The following KHDRBS2 variants were observed in gnomAD, a reference collection of about 807,000 sequenced individuals.
KHDRBS2 encodes the protein KH RNA binding domain containing, signal transduction associated 2.
KHDRBS2 carries 26 observed loss-of-function variants against 44.3 expected under a neutral mutation model. That is an observed-to-expected ratio of 0.59 (90% CI 0.43 to 0.81). The LOEUF (loss-of-function observed/expected upper bound fraction) is 0.81, where lower values mean the gene tolerates loss of function less well. Among genes scored for constraint, KHDRBS2 ranks in the 40% least tolerant of loss-of-function variants. KHDRBS2 has a pLI of 0.00. For missense variants in KHDRBS2, 476 were observed against 433.1 expected (o/e 1.10, Z -0.88); for synonymous variants, 194 against 151.1 (o/e 1.28, Z -2.08).
chr6:61,772,859 CA>C (rs1344748388), intron 6 of KHDRBS2, among the ~76,000 whole-genome samples: 4 of 152,134 alleles, frequency 2.6e-5, no homozygotes, highest in Non-Finnish European at 5.9e-5. Context: ...TCTAATTGTT[CA>C]ATTCCCACCT....
At chr6:61,932,156 C>T (rs1583573833) in intron 4 of KHDRBS2, among the ~76,000 whole-genome samples, 1 of 152,144 alleles carries the variant, frequency 6.6e-6, no homozygotes, top group African/African-American at 2.4e-5. Flanking sequence ...CATTGATTTT[C>T]GACTGTGCAG....
chr6:61,738,895 C>T (rs1467051632), intron 6 of KHDRBS2, among the ~76,000 whole-genome samples: 1 of 151,674 alleles, frequency 6.6e-6, no homozygotes, highest in Non-Finnish European at 1.5e-5. Flanking sequence ...TTATATTAAC[C>T]ACTGAATTAC....
At chr6:61,955,478 A>G (rs1261826739) in intron 4 of KHDRBS2, among the ~76,000 whole-genome samples, 1,217 of 47,554 alleles carry the variant, frequency 0.026, 232 homozygotes, top group African/African-American at 0.051. Context: ...ATATATACAC[A>G]TATGTATGTA....
the KHDRBS2 span, among the ~76,000 whole-genome samples, chr6:61,620,059 T>C: frequency 6.6e-6 from 1 of 152,168 alleles, no homozygotes; most frequent in Non-Finnish European, 1.5e-5. Flanking sequence ...CACATAATAA[T>C]TTTTCCATTG....
chr6:61,894,951 C>G lies in KHDRBS2; in HGVS notation c.612-118G>C, dbSNP rs567938450. On this transcript the variant is annotated intron_variant, in intron 5 of 8. Coordinates refer to ENST00000281156, the MANE Select transcript of KHDRBS2 (RefSeq NM_152688.4). ...ATGAAATAAATACAAATTTCTCTCT[C>G]TCTCTCTGTGTGTGTGTGTGTGTAT... is the stretch of plus-strand genomic sequence containing the variant. The G allele has an allele frequency of 4.6e-6, 3 of 656,182 alleles. No homozygotes were observed. In the South Asian group the frequency reaches 5.4e-5, roughly 12 times the overall value. The allele number at this position is 656,182 out of a possible 1,614,324, so 40.6% of individuals were successfully genotyped here.
chr6:61,545,385 C>A, the KHDRBS2 span, among the ~76,000 whole-genome samples: 12 of 151,944 alleles, frequency 7.9e-5, no homozygotes. Context: ...AAGCCTTGTT[C>A]TTATTATGTG....
chr6:61,611,364 G>A, the KHDRBS2 span, among the ~76,000 whole-genome samples: 1 of 152,294 alleles, frequency 6.6e-6, no homozygotes, highest in South Asian at 2.1e-4. Flanking sequence ...TATAGAAAGA[G>A]ACACATATGG....
At chr6:61,888,749 GATGGGGT>G (rs1313832877) in intron 6 of KHDRBS2, among the ~76,000 whole-genome samples, 2 of 151,874 alleles carry the variant, frequency 1.3e-5, no homozygotes. Context: ...TTTTAGTAGA[GATGGGGT>G]TTCACCGTGT....
chr6:61,956,327 C>T (rs1056969702), intron 4 of KHDRBS2, among the ~76,000 whole-genome samples: 1 of 152,090 alleles, frequency 6.6e-6, no homozygotes, highest in South Asian at 2.1e-4. Flanking sequence ...TTCTGTGCAC[C>T]ATCAACTAGC....
intron 2 of KHDRBS2, among the ~76,000 whole-genome samples, chr6:62,109,919 A>G (rs1394194756): frequency 6.6e-6 from 1 of 151,910 alleles, no homozygotes; most frequent in Non-Finnish European, 1.5e-5. Flanking sequence ...TAAAACTATA[A>G]AACTTCTAAA....
chr6:61,691,808 C>T (rs1767415341), intron 8 of KHDRBS2, among the ~76,000 whole-genome samples: 1 of 152,100 alleles, frequency 6.6e-6, no homozygotes, highest in Non-Finnish European at 1.5e-5. Flanking sequence ...ATCATTCCAG[C>T]TCCTCAACAC....
At chr6:61,902,696 G>C (rs531815225) in intron 4 of KHDRBS2, among the ~76,000 whole-genome samples, 1 of 152,200 alleles carries the variant, frequency 6.6e-6, no homozygotes, top group East Asian at 1.9e-4. Context: ...TATTTGTAGA[G>C]GTTTGGCTAA....
intron 2 of KHDRBS2, among the ~76,000 whole-genome samples, chr6:62,169,158 CGTACACATATATGTATATAT>C (rs1478716285): frequency 6.3e-5 from 5 of 79,968 alleles, no homozygotes; most frequent in African/African-American, 2.4e-4. Flanking sequence ...TGTATATATA[CGTACACATATATGTATATAT>C]GTATATATAC....
intron 6 of KHDRBS2, among the ~76,000 whole-genome samples, chr6:61,773,716 C>G (rs929918777): frequency 5.9e-5 from 9 of 151,678 alleles, no homozygotes; most frequent in Non-Finnish European, 8.8e-5. Flanking sequence ...GAAGTCCTTG[C>G]CCATGCCTAT....
chr6:62,118,618 G>C (rs961017033), intron 2 of KHDRBS2, among the ~76,000 whole-genome samples: 47 of 152,252 alleles, frequency 3.1e-4, no homozygotes, highest in African/African-American at 9.9e-4. Context: ...CAGTGGACTA[G>C]GAGAGGAAGA....
At chr6:61,599,062 T>C in the KHDRBS2 span, among the ~76,000 whole-genome samples, 25 of 151,932 alleles carry the variant, frequency 1.6e-4, no homozygotes, top group Non-Finnish European at 2.6e-4. Context: ...GCCTCCTGAG[T>C]AGCTGGCATT....
chr6:62,169,849 G>A (rs1819650638), intron 2 of KHDRBS2, among the ~76,000 whole-genome samples: 1 of 151,940 alleles, frequency 6.6e-6, no homozygotes, highest in African/African-American at 2.4e-5. Context: ...CCACAGCCCT[G>A]ACGGAAGCCA....
At chr6:62,004,143 T>C (rs1321574658) in intron 3 of KHDRBS2, among the ~76,000 whole-genome samples, 1 of 151,992 alleles carries the variant, frequency 6.6e-6, no homozygotes, top group Non-Finnish European at 1.5e-5. Context: ...AGGCAAGAAA[T>C]AATTAAGATT....
chr6:62,265,780 G>A (rs1317914313), intron 1 of KHDRBS2, among the ~76,000 whole-genome samples: 18 of 151,860 alleles, frequency 1.2e-4, no homozygotes, highest in Admixed American at 1.1e-3. Context: ...CATGGCAATG[G>A]GCCTTTTGAA....
Sources: allele counts gnomAD v4.1 joint callset (sites outside exome capture counted in the v4.1 genomes callset), GRCh38; gene constraint gnomAD v4.1.1; transcripts MANE v1.5; gene names NCBI Gene and HGNC (gene_info 2026-07-23, HGNC 2026-07-21).